Variants in SI observed in about 807,000 individuals in gnomAD.
SI encodes the protein sucrase-isomaltase.
A neutral mutation model predicts 253.3 loss-of-function variants in SI; 235 were observed. The ratio of observed to expected loss-of-function variants is 0.93; its 90% CI spans 0.83 to 1.03. The LOEUF (loss-of-function observed/expected upper bound fraction) is 1.03. SI is among the 50% of genes least tolerant of loss of function. SI has a pLI of 0.00. For synonymous variants in SI, 819 were observed against 712.0 expected (o/e 1.15, Z -2.39); for missense variants, 2,442 against 2,211.1 (o/e 1.10, Z -2.09).
In SI at chr3:165,043,368, T is replaced by G. The variant is rs569936161; in HGVS notation, c.1888-193A>C. On this transcript the variant is annotated intron_variant, in intron 16 of 47. Coordinates refer to ENST00000264382, the MANE Select transcript of SI (RefSeq NM_001041.4). Reference sequence around the variant, plus strand: ...TCTCTAGTTGCATTATTTTATATGTTCTTTCCTTCATTGTCCCTTTATGCA... The same window carrying G: ...TCTCTAGTTGCATTATTTTATATGTGCTTTCCTTCATTGTCCCTTTATGCA... Among the ~76,000 whole-genome samples the G allele has an allele frequency of 8.1e-4, 124 of 152,186 alleles. 1 individual carries two copies. The highest frequency in any genetic ancestry group is 2.2e-3 in the Admixed American group (34 of 15,250).
Position 165,023,698 on chromosome 3 carries a change from A to T in SI, c.2971T>A (p.Ser991Thr). 2 of 1,610,950 alleles carry T rather than the reference A, an allele frequency of 1.2e-6. No individual in the cohort carries two copies. Among genetic ancestry groups the T allele is most frequent in the Non-Finnish European group, 1.7e-6 (2 of 1,177,948 alleles). ...AGGTCAGCTGTTATACCCATGGATG[A>T]ATAGCGAGCTGAGTTGACTGAATAA... ...NSYSVNSARY[S>T]SMGITADLQL... The change falls in exon 26 of 48, where the codon TCA becomes ACA. Residue 991 changes from serine to threonine, a missense_variant. Physicochemically the swap from Ser to Thr is moderately conservative, Grantham distance 58. Transcript: ENST00000264382.
intron 17 of SI, among the ~76,000 whole-genome samples, chr3:165,042,434 C>G (rs904214670): frequency 6.6e-6 from 1 of 152,022 alleles, no homozygotes; most frequent in Non-Finnish European, 1.5e-5. Flanking sequence ...TTTTACTATT[C>G]TCTCCGAAAA....
chr3:165,070,796 G>A (rs1374572824), intron 3 of SI, among the ~76,000 whole-genome samples: 1 of 151,980 alleles, frequency 6.6e-6, no homozygotes. Flanking sequence ...TAACAACCAT[G>A]GAAAAGGTGA....
intron 44 of SI, among the ~76,000 whole-genome samples, chr3:164,988,688 A>G (rs6776776): frequency 0.052 from 7,913 of 152,240 alleles, 698 homozygotes; most frequent in African/African-American, 0.18. Context: ...ATATAGCATA[A>G]AAAGAGAAGA....
chr3:165,025,847 T>C (rs1379500616), intron 25 of SI, among the ~76,000 whole-genome samples: 1 of 151,308 alleles, frequency 6.6e-6, no homozygotes, highest in East Asian at 1.9e-4. Flanking sequence ...GAGCTCTAAA[T>C]CTTGAAACAA....
At chr3:165,019,837 C>A in intron 27 of SI, 67 bp from the exon 28 acceptor site, 1 of 1,329,724 alleles carries the variant, frequency 7.5e-7, no homozygotes, top group Non-Finnish European at 1.1e-6. Flanking sequence ...CAAATAATAA[C>A]GGTAATTCTT....
chr3:165,073,469 A>T (rs1333859056), intron 3 of SI, among the ~76,000 whole-genome samples: 1 of 152,084 alleles, frequency 6.6e-6, no homozygotes, highest in African/African-American at 2.4e-5. Context: ...CATCTCTTTC[A>T]ATTTTTTTTC....
At chr3:165,048,359 A>T (rs1003103047) in intron 15 of SI, among the ~76,000 whole-genome samples, 9 of 151,668 alleles carry the variant, frequency 5.9e-5, no homozygotes, top group Non-Finnish European at 2.9e-5. Context: ...TTAGAAGGAT[A>T]TTAATTAGAA....
intron 45 of SI, among the ~76,000 whole-genome samples, chr3:164,985,545 T>C (rs562212689): frequency 1.3e-5 from 2 of 152,208 alleles, no homozygotes; most frequent in Non-Finnish European, 2.9e-5. Context: ...ACTAATGGAT[T>C]ATTTCTTATG....
chr3:165,005,674 T>C lies in SI; in HGVS notation c.4406+1142A>G, dbSNP rs553759125. The stretch of plus-strand genomic sequence containing the variant: ...TTAAAATTCCATTCCTGAGTCACAC[T>C]AGACACATTGTTCCATGGCCATATA... On this transcript the variant is annotated intron_variant, in intron 37 of 47. Transcript: ENST00000264382. Among the ~76,000 whole-genome samples the C allele has an allele frequency of 7.2e-5, 11 of 152,316 alleles. No homozygotes were observed. The South Asian group carries it at 2.3e-3, about 32-fold the overall frequency.
chr3:164,990,925 G>A (rs1286559360), intron 44 of SI, among the ~76,000 whole-genome samples: 3 of 151,822 alleles, frequency 2.0e-5, no homozygotes, highest in East Asian at 3.9e-4. Flanking sequence ...AGCATTGGAC[G>A]GCAGGGTTTC....
At chr3:165,033,895 CA>C (rs1349232281) in intron 22 of SI, among the ~76,000 whole-genome samples, 2 of 150,996 alleles carry the variant, frequency 1.3e-5, no homozygotes, top group Non-Finnish European at 3.0e-5. Context: ...AATCTGGAGA[CA>C]TGTTGAAGAT....
At chr3:165,061,725 G>A (rs1280172950) in intron 9 of SI, among the ~76,000 whole-genome samples, 1 of 152,008 alleles carries the variant, frequency 6.6e-6, no homozygotes, top group Admixed American at 6.6e-5. Context: ...GAAATTACAT[G>A]AAAGTTTTAG....
chr3:165,079,136 T>A (rs1014721648), upstream of SI, among the ~76,000 whole-genome samples: 3 of 151,630 alleles, frequency 2.0e-5, no homozygotes, highest in Non-Finnish European at 4.4e-5. Flanking sequence ...GTAAAATGTA[T>A]AAAATTAATT....
At chr3:165,059,501 A>T (rs548401274) in intron 10 of SI, among the ~76,000 whole-genome samples, 2 of 152,134 alleles carry the variant, frequency 1.3e-5, no homozygotes, top group East Asian at 3.9e-4. Flanking sequence ...GCATTAAGTG[A>T]TTATTCATAT....
intron 20 of SI, 42 bp from the exon 21 acceptor site, chr3:165,038,066 G>T (rs778775719): frequency 6.5e-7 from 1 of 1,527,782 alleles, no homozygotes; most frequent in South Asian, 1.1e-5. Flanking sequence ...TATTATTGAA[G>T]ACTTTAAACT....
intron 2 of SI, 63 bp from the exon 3 acceptor site, chr3:165,074,730 C>A: frequency 1.5e-6 from 2 of 1,330,902 alleles, no homozygotes; most frequent in African/African-American, 1.4e-5. Flanking sequence ...TCAGAATTAT[C>A]AAGTAATAAG....
intron 34 of SI, 34 bp from the exon 35 acceptor site, chr3:165,009,429 A>T (rs1484840164): frequency 8.9e-7 from 1 of 1,125,128 alleles, no homozygotes; most frequent in East Asian, 2.4e-5. Flanking sequence ...ACATGTGGAA[A>T]GTCTTAAGAG....
At chr3:165,009,227 A>C in intron 35 of SI, 52 bp downstream of exon 35, 1 of 1,201,524 alleles carries the variant, frequency 8.3e-7, no homozygotes, top group Non-Finnish European at 1.2e-6. Context: ...AATTTTGCAT[A>C]ATCACTGCAC....
Sources: allele counts gnomAD v4.1 joint callset (sites outside exome capture counted in the v4.1 genomes callset), GRCh38; gene constraint gnomAD v4.1.1; transcripts MANE v1.5; gene names NCBI Gene and HGNC (gene_info 2026-07-23, HGNC 2026-07-21).